VPS13C: variants seen among roughly 807,000 people sequenced by gnomAD.
The protein encoded by VPS13C is intermembrane lipid transfer protein VPS13C.
VPS13C carries 358 observed loss-of-function variants against 456.8 expected under a neutral mutation model. That is an observed-to-expected ratio of 0.78 (90% CI 0.72 to 0.86). The LOEUF is 0.86. VPS13C is among the 40% of genes least tolerant of loss of function. The pLI, the probability that VPS13C is intolerant of heterozygous loss-of-function variation, is 0.00. For synonymous variants in VPS13C, 1,578 were observed against 1,486.7 expected (o/e 1.06, Z -1.41); for missense variants, 4,818 against 4,385.4 (o/e 1.10, Z -2.79).
intron 35 of VPS13C, among the ~76,000 whole-genome samples, chr15:61,960,643 T>C (rs1322649023): frequency 6.6e-6 from 1 of 152,238 alleles, no homozygotes; most frequent in East Asian, 1.9e-4. Context: ...TTAAATAATA[T>C]GTATATGTTT....
At chr15:62,042,372 A>G (rs2048270620) in intron 2 of VPS13C, among the ~76,000 whole-genome samples, 1 of 152,156 alleles carries the variant, frequency 6.6e-6, no homozygotes, top group South Asian at 2.1e-4. Context: ...CTTACTATAT[A>G]ATAACACTAT....
intron 46 of VPS13C, among the ~76,000 whole-genome samples, chr15:61,941,031 T>C (rs954914220): frequency 6.6e-6 from 1 of 152,198 alleles, no homozygotes; most frequent in African/African-American, 2.4e-5. Flanking sequence ...AAAACATAAT[T>C]TTCATACACT....
rs765688682 is a variant in VPS13C, at chr15:61,853,567, C to T, written c.*890G>A. On this transcript the variant is annotated 3_prime_UTR_variant, in exon 85 of 85. Transcript: ENST00000644861. ...AAAATAAGCACCAAAGTAAAATATG[C>T]TTTATTAGGGGGAAAAACAGTGTTT... The T allele has an allele frequency of 6.6e-6, 1 of 151,952 alleles. No homozygotes were observed. Among genetic ancestry groups the T allele is most frequent in the Non-Finnish European group, 1.5e-5 (1 of 67,982 alleles). 9.4% of individuals were successfully genotyped at this position (151,952 alleles called of 1,614,324 possible). A position where few individuals can be genotyped will look rare whatever the true frequency, so the allele number is the denominator to read the frequency against.
intron 6 of VPS13C, among the ~76,000 whole-genome samples, chr15:62,024,345 T>A (rs751842002): frequency 2.6e-5 from 4 of 152,064 alleles, no homozygotes; most frequent in Admixed American, 6.6e-5. Context: ...GACTCAAGGA[T>A]ATAAAGAACA....
intron 83 of VPS13C, among the ~76,000 whole-genome samples, chr15:61,855,343 T>C (rs1893847419): frequency 6.6e-6 from 1 of 152,172 alleles, no homozygotes; most frequent in East Asian, 1.9e-4. Context: ...ACCATTGATG[T>C]GAAAGAGAAG....
chr15:61,919,035 T>C (rs941126612), intron 58 of VPS13C, among the ~76,000 whole-genome samples: 2 of 152,098 alleles, frequency 1.3e-5, no homozygotes, highest in Admixed American at 1.3e-4. Context: ...AATTTTGCAT[T>C]TGTCTTAAAA....
intron 15 of VPS13C, among the ~76,000 whole-genome samples, chr15:62,003,538 C>A (rs1248576782): frequency 1.3e-5 from 2 of 152,062 alleles, no homozygotes; most frequent in South Asian, 2.1e-4. Flanking sequence ...TTGCCCTGGC[C>A]AGAACTTCCA....
chr15:61,977,486 A>C (rs981093138), intron 23 of VPS13C, among the ~76,000 whole-genome samples: 3 of 152,018 alleles, frequency 2.0e-5, no homozygotes, highest in Non-Finnish European at 4.4e-5. Context: ...AAACAGGAAA[A>C]ACAAAGCCCA....
intron 41 of VPS13C, 31 bp from the exon 42 acceptor site, chr15:61,949,636 T>A: frequency 6.3e-7 from 1 of 1,575,066 alleles, no homozygotes; most frequent in Non-Finnish European, 8.6e-7. Context: ...AGAGGCAGAT[T>A]TCAGATGCAG....
At chr15:61,944,624 C>T (rs181432893) in intron 45 of VPS13C, among the ~76,000 whole-genome samples, 179 of 152,080 alleles carry the variant, frequency 1.2e-3, no homozygotes, top group African/African-American at 3.8e-3. Context: ...AAAGACACTG[C>T]GGACTACTAC....
At chr15:61,922,082 CAT>C in intron 54 of VPS13C, 49 bp from the exon 55 acceptor site, 1 of 1,569,546 alleles carries the variant, frequency 6.4e-7, no homozygotes, top group Non-Finnish European at 8.7e-7. Flanking sequence ...GCTTTAATTA[CAT>C]ATTTCTGTAA....
chr15:62,016,700 T>C (rs2047264658), intron 9 of VPS13C, among the ~76,000 whole-genome samples: 1 of 152,066 alleles, frequency 6.6e-6, no homozygotes, highest in Admixed American at 6.6e-5. Context: ...GTTCCAAGTC[T>C]TTGCTATTGT....
chr15:61,910,383 C>T, intron 63 of VPS13C, 78 bp from the exon 64 acceptor site: 1 of 1,136,718 alleles, frequency 8.8e-7, no homozygotes, highest in Non-Finnish European at 1.1e-6. Context: ...ATTAAATTTT[C>T]AATTCTGATT....
At chr15:61,882,467 A>G in intron 69 of VPS13C, 129 bp downstream of exon 69, 8 of 938,728 alleles carry the variant, frequency 8.5e-6, no homozygotes, top group Non-Finnish European at 8.5e-6. Context: ...ATGTGGAAAA[A>G]GGGGAAAAAA....
intron 66 of VPS13C, among the ~76,000 whole-genome samples, chr15:61,890,758 T>C (rs2042625012): frequency 6.6e-6 from 1 of 152,140 alleles, no homozygotes; most frequent in South Asian, 2.1e-4. Context: ...ATTAGAGATG[T>C]AACCTTAGCC....
At chr15:61,985,834 G>C (rs1567075916) in intron 18 of VPS13C, among the ~76,000 whole-genome samples, 2 of 151,988 alleles carry the variant, frequency 1.3e-5, no homozygotes, top group East Asian at 3.9e-4. Flanking sequence ...GTTTCTCCTA[G>C]AGGTATTTGG....
In VPS13C at chr15:61,858,042, T is replaced by C. The variant is rs1001430442; in HGVS notation, c.10953-1633A>G. 3.3e-5 allele frequency among the ~76,000 whole-genome samples: 5 copies of C among 152,170 alleles called. No individual in the cohort carries two copies. The highest frequency in any genetic ancestry group is 6.5e-5 in the Admixed American group (1 of 15,268). The stretch of plus-strand genomic sequence containing the variant: ...CCATACATTTCCAAACAGTCTCCAC[T>C]GCCCACACTCCCGGCCCCAGTCGAT... On this transcript the variant is annotated intron_variant, in intron 82 of 84. Coordinates refer to ENST00000644861, the MANE Select transcript of VPS13C (RefSeq NM_020821.3). This position sits in a 1 kb window ranked among gnomAD's most constrained non-coding sequence, Gnocchi z 4.4.
intron 27 of VPS13C, among the ~76,000 whole-genome samples, chr15:61,970,520 G>A (rs925654011): frequency 3.3e-5 from 5 of 152,162 alleles, no homozygotes; most frequent in Admixed American, 6.5e-5. Flanking sequence ...AAGAGGCCAA[G>A]TGCGGTGGCT....
At chr15:61,999,434 T>C (rs1003387627) in intron 16 of VPS13C, among the ~76,000 whole-genome samples, 2 of 151,994 alleles carry the variant, frequency 1.3e-5, no homozygotes, top group African/African-American at 4.8e-5. Flanking sequence ...AAATTTTTAA[T>C]TGTGTGGGGG....
Sources: allele counts gnomAD v4.1 joint callset (sites outside exome capture counted in the v4.1 genomes callset), GRCh38; gene constraint gnomAD v4.1.1; non-coding constraint Gnocchi (gnomAD v3.1); transcripts MANE v1.5; gene names NCBI Gene and HGNC (gene_info 2026-07-23, HGNC 2026-07-21).